The following KCTD16 variants were observed in gnomAD, a reference collection of about 807,000 sequenced individuals.
The protein encoded by KCTD16 is potassium channel tetramerization domain containing 16, also known as BTB/POZ domain-containing protein KCTD16.
KCTD16 carries 13 observed loss-of-function variants against 33.2 expected under a neutral mutation model. That is an observed-to-expected ratio of 0.39 (90% CI 0.25 to 0.62). KCTD16 has a LOEUF of 0.62. KCTD16 is among the 20% of genes least tolerant of loss of function. KCTD16 has a pLI of 0.50. For missense variants in KCTD16, 441 were observed against 525.1 expected (o/e 0.84, Z 1.57); for synonymous variants, 197 against 195.3 (o/e 1.01, Z -0.07).
At chr5:144,393,559 G>T (rs77617353) in intron 3 of KCTD16, among the ~76,000 whole-genome samples, 6,130 of 151,780 alleles carry the variant, frequency 0.04, 200 homozygotes, top group African/African-American at 0.078. Flanking sequence ...TATATATATA[G>T]AGAGAGAGTG....
chr5:144,229,688 C>T lies in KCTD16; in HGVS notation c.832+22142C>T, dbSNP rs182946393. Among the ~76,000 whole-genome samples the T allele has an allele frequency of 1.9e-3, 295 of 152,288 alleles. 3 individuals carry two copies. The highest frequency in any genetic ancestry group is 3.3e-3 in the Admixed American group (50 of 15,302). On this transcript the variant is annotated intron_variant, in intron 3 of 3. Transcript: ENST00000512467. The stretch of plus-strand genomic sequence containing the variant: ...TTTGAATCTGGTTTGTAAGATTCAT[C>T]ATCTCTCTTACCCACTGTGCATAAT...
intron 3 of KCTD16, among the ~76,000 whole-genome samples, chr5:144,221,010 G>C (rs1207558810): frequency 6.6e-6 from 1 of 152,140 alleles, no homozygotes; most frequent in African/African-American, 2.4e-5. Context: ...TTGAGAAAGA[G>C]GTTAAGAGAT....
rs369111219 is a variant in KCTD16 at position 144,275,947 on chromosome 5, A to G, written c.832+68401A>G. On this transcript the variant is annotated intron_variant, in intron 3 of 3. Transcript: ENST00000512467. ...ACAAGGTTGGGTATTCTATCCTGAC[A>G]TTGTCATTCCAGGTTACGTGCCTTT... 3.9e-5 allele frequency among the ~76,000 whole-genome samples: 6 copies of G among 152,314 alleles called. No homozygotes were observed. In the East Asian group the frequency reaches 5.8e-4, roughly 15 times the overall value.
chr5:144,225,629 T>C (rs1314062543), intron 3 of KCTD16, among the ~76,000 whole-genome samples: 3 of 151,864 alleles, frequency 2.0e-5, no homozygotes, highest in African/African-American at 7.3e-5. Flanking sequence ...TTAGAGTTTC[T>C]GGCTCTAGAA....
intron 3 of KCTD16, among the ~76,000 whole-genome samples, chr5:144,247,573 A>T (rs1754584603): frequency 6.6e-6 from 1 of 152,180 alleles, no homozygotes; most frequent in Non-Finnish European, 1.5e-5. Context: ...AATATGATAA[A>T]ATAGTTGTTT....
intron 3 of KCTD16, among the ~76,000 whole-genome samples, chr5:144,288,228 G>A (rs965937): frequency 0.23 from 35,492 of 152,052 alleles, 4,372 homozygotes; most frequent in Non-Finnish European, 0.28. Flanking sequence ...GAAAAGAGTG[G>A]CTTAAATTCT....
intron 2 of KCTD16, among the ~76,000 whole-genome samples, chr5:144,188,030 T>G (rs2126778002): frequency 6.6e-6 from 1 of 152,338 alleles, no homozygotes; most frequent in Non-Finnish European, 1.5e-5. Context: ...TGAAAAATTA[T>G]GTATCTGGAG....
At chr5:144,338,160 A>G (rs1217744070) in intron 3 of KCTD16, among the ~76,000 whole-genome samples, 2 of 152,206 alleles carry the variant, frequency 1.3e-5, no homozygotes, top group Non-Finnish European at 2.9e-5. Context: ...TGATGCTTCA[A>G]TAAACATTGA....
chr5:144,451,548 G>T (rs1170013372), intron 3 of KCTD16, among the ~76,000 whole-genome samples: 1 of 151,554 alleles, frequency 6.6e-6, no homozygotes, highest in Non-Finnish European at 1.5e-5. Context: ...CTTTTTTTTT[G>T]AAGCTCTATT....
chr5:144,465,766 G>A lies in KCTD16; in HGVS notation c.833-7894G>A, dbSNP rs534606490. Among the ~76,000 whole-genome samples the A allele has an allele frequency of 1.9e-4, 27 of 145,936 alleles. No individual in the cohort carries two copies. In the South Asian group the frequency reaches 5.4e-3, roughly 29 times the overall value. Reference sequence around the variant, plus strand: ...AGGGTTCTGTAGCTCTTGAACAATTGCTCCAAATTTAACTTTTTTGTTTTT... The same window carrying A: ...AGGGTTCTGTAGCTCTTGAACAATTACTCCAAATTTAACTTTTTTGTTTTT... On this transcript the variant is annotated intron_variant, in intron 3 of 3. Transcript: ENST00000512467.
chr5:144,415,466 T>A, intron 3 of KCTD16, among the ~76,000 whole-genome samples: 1 of 152,170 alleles, frequency 6.6e-6, no homozygotes. Context: ...CTCCTAAAGC[T>A]AGATCATCTT....
intron 3 of KCTD16, among the ~76,000 whole-genome samples, chr5:144,295,983 G>C (rs1181829842): frequency 1.3e-5 from 2 of 152,202 alleles, no homozygotes; most frequent in Non-Finnish European, 2.9e-5. Flanking sequence ...GACCTATAGA[G>C]ACCTGTAAGG....
At chr5:144,471,863 A>T (rs908852799) in intron 3 of KCTD16, among the ~76,000 whole-genome samples, 4 of 152,222 alleles carry the variant, frequency 2.6e-5, no homozygotes, top group African/African-American at 9.6e-5. Flanking sequence ...TTAGAAAATG[A>T]CTTGAAAGAG....
intron 2 of KCTD16, among the ~76,000 whole-genome samples, chr5:144,189,591 C>T (rs1312260407): frequency 6.6e-6 from 1 of 152,026 alleles, no homozygotes; most frequent in African/African-American, 2.4e-5. Flanking sequence ...TTGTGAATCC[C>T]GTTTGCAGAC....
At chr5:144,447,441 A>G (rs1580972452) in intron 3 of KCTD16, among the ~76,000 whole-genome samples, 1 of 152,216 alleles carries the variant, frequency 6.6e-6, no homozygotes, top group Middle Eastern at 3.4e-3. Context: ...TAGCATTAGG[A>G]GAAATACCTA....
intron 3 of KCTD16, among the ~76,000 whole-genome samples, chr5:144,305,010 G>T (rs903887543): frequency 4.9e-5 from 6 of 121,832 alleles, no homozygotes; most frequent in Non-Finnish European, 9.8e-5. Context: ...TTCTGAGTTG[G>T]CTTTCCTGGG....
At chr5:144,186,425 G>T (rs908696167) in intron 2 of KCTD16, among the ~76,000 whole-genome samples, 1 of 148,522 alleles carries the variant, frequency 6.7e-6, no homozygotes, top group Non-Finnish European at 1.5e-5. Flanking sequence ...TTGGTTTAAA[G>T]TTTAAATAAA....
chr5:144,395,862 A>C, intron 3 of KCTD16, among the ~76,000 whole-genome samples: 1 of 152,132 alleles, frequency 6.6e-6, no homozygotes, highest in East Asian at 1.9e-4. Flanking sequence ...CAGCCTCTAC[A>C]TCAGGTGTTG....
At chr5:144,308,326 G>T (rs770940549) in intron 3 of KCTD16, among the ~76,000 whole-genome samples, 3 of 152,182 alleles carry the variant, frequency 2.0e-5, no homozygotes, top group Non-Finnish European at 4.4e-5. Context: ...AATGGCTACC[G>T]CCAACCAGTC....
Sources: allele counts gnomAD v4.1 joint callset (sites outside exome capture counted in the v4.1 genomes callset), GRCh38; gene constraint gnomAD v4.1.1; transcripts MANE v1.5; gene names NCBI Gene and HGNC (gene_info 2026-07-23, HGNC 2026-07-21).